CTNNA2: variants seen among roughly 807,000 people sequenced by gnomAD.
CTNNA2 encodes the protein catenin alpha-2.
Under a neutral mutation model 101.0 loss-of-function variants are expected in CTNNA2, and 42 were observed. The observed-to-expected ratio is 0.42, with a 90% CI of 0.32 to 0.54. CTNNA2 has a LOEUF of 0.54. CTNNA2 is among the 20% of genes least tolerant of loss of function. The pLI is 0.14. For missense variants in CTNNA2, 871 were observed against 1,223.1 expected (o/e 0.71, Z 4.29); for synonymous variants, 450 against 456.4 (o/e 0.99, Z 0.18).
At chr2:80,377,399 A>G (rs1210573017) in intron 7 of CTNNA2, among the ~76,000 whole-genome samples, 1 of 152,124 alleles carries the variant, frequency 6.6e-6, no homozygotes, top group Non-Finnish European at 1.5e-5. Flanking sequence ...TGTTGTATGC[A>G]TTTTCTTATT....
chr2:79,497,981 G>A (rs967686946), intron 4 of CTNNA2: 1 of 152,146 alleles, frequency 6.6e-6, no homozygotes, highest in African/African-American at 2.4e-5. Flanking sequence ...TTGTTTTTTA[G>A]TTTCCTTAGA....
intron 17 of CTNNA2, among the ~76,000 whole-genome samples, chr2:80,614,527 A>C (rs1698695827): frequency 6.6e-6 from 1 of 151,374 alleles, no homozygotes; most frequent in Admixed American, 6.6e-5. Flanking sequence ...CATGGATACC[A>C]AGGGATGACT....
chr2:79,223,643 T>C (rs910354480), intron 2 of CTNNA2, among the ~76,000 whole-genome samples: 2 of 152,132 alleles, frequency 1.3e-5, no homozygotes, highest in Non-Finnish European at 2.9e-5. Context: ...CCATCAATTG[T>C]TTCTCTCTTT....
intron 2 of CTNNA2, among the ~76,000 whole-genome samples, chr2:79,302,144 CCTTGA>C (rs930546285): frequency 6.6e-6 from 1 of 151,384 alleles, no homozygotes; most frequent in Non-Finnish European, 1.5e-5. Flanking sequence ...ATAAAAGAAC[CCTTGA>C]CTTGAAGAGG....
chr2:80,010,765 T>C (rs1326948205), intron 7 of CTNNA2, among the ~76,000 whole-genome samples: 2 of 152,174 alleles, frequency 1.3e-5, no homozygotes, highest in Non-Finnish European at 2.9e-5. Context: ...AGTTTTAGAA[T>C]GAAAATTCTC....
chr2:79,401,716 G>A (rs1008477092), intron 4 of CTNNA2, among the ~76,000 whole-genome samples: 1 of 151,216 alleles, frequency 6.6e-6, no homozygotes, highest in Non-Finnish European at 1.5e-5. Flanking sequence ...CCAGATGTAA[G>A]CCATATAAAG....
intron 7 of CTNNA2, among the ~76,000 whole-genome samples, chr2:80,295,637 T>A (rs1466879333): frequency 6.6e-6 from 1 of 152,220 alleles, no homozygotes; most frequent in Non-Finnish European, 1.5e-5. Flanking sequence ...GGAAAGGTTC[T>A]TAGGGAATAC....
At chr2:79,429,205 G>A (rs1678625189) in intron 4 of CTNNA2, among the ~76,000 whole-genome samples, 1 of 151,980 alleles carries the variant, frequency 6.6e-6, no homozygotes, top group Non-Finnish European at 1.5e-5. Flanking sequence ...GTAACAATAT[G>A]GGATCTGTTA....
At chr2:79,311,020 A>G (rs2104399853) in intron 2 of CTNNA2, among the ~76,000 whole-genome samples, 1 of 152,308 alleles carries the variant, frequency 6.6e-6, no homozygotes, top group Middle Eastern at 3.4e-3. Flanking sequence ...AAGAAAGCAC[A>G]GGAATTATAA....
In CTNNA2 at chr2:79,310,893, G is replaced by A. The variant is rs552600313; in HGVS notation, c.-405-1816G>A. Among the ~76,000 whole-genome samples, 39 of 152,250 alleles carry A rather than the reference G, an allele frequency of 2.6e-4. 1 individual carries two copies. In the South Asian group the frequency reaches 7.7e-3, roughly 30 times the overall value. ...CATTTTCTCTGGTTCTTAGACTTGT[G>A]TATTTCTTTAGAGTGGCCATCTGTG... is the stretch of plus-strand genomic sequence containing the variant. On this transcript the variant is annotated intron_variant, in intron 2 of 21. Transcript: ENST00000466387.
chr2:80,160,934 G>A (rs549132261), intron 7 of CTNNA2, among the ~76,000 whole-genome samples: 1 of 151,580 alleles, frequency 6.6e-6, no homozygotes, highest in South Asian at 2.1e-4. Context: ...GGTTGAAAAT[G>A]TTCCCCTCTA....
chr2:79,423,259 AC>A lies in CTNNA2; in HGVS notation c.-135+49248del, dbSNP rs1181653753. Among the ~76,000 whole-genome samples, 4 of 152,270 alleles carry A rather than the reference AC, an allele frequency of 2.6e-5. No homozygotes were observed. The East Asian group carries it at 7.7e-4, about 29-fold the overall frequency. ...TGGTCAATAGCACCAGATGAGTCCAACCTTCCATCCATCCCCACCAAAGTTG... is the reference window on the plus strand; with the variant it reads ...TGGTCAATAGCACCAGATGAGTCCAACTTCCATCCATCCCCACCAAAGTTG... On this transcript the variant is annotated intron_variant, in intron 4 of 21. Coordinates refer to the CTNNA2 transcript ENST00000466387.
intron 7 of CTNNA2, among the ~76,000 whole-genome samples, chr2:80,152,637 G>C (rs927353686): frequency 1.3e-5 from 2 of 151,610 alleles, no homozygotes; most frequent in Admixed American, 6.6e-5. Flanking sequence ...TACCAAAAAG[G>C]GACAAGAGAA....
chr2:79,772,131 C>A (rs1673634614), intron 3 of CTNNA2, among the ~76,000 whole-genome samples: 1 of 151,916 alleles, frequency 6.6e-6, no homozygotes, highest in Non-Finnish European at 1.5e-5. Flanking sequence ...TTTGTCCATC[C>A]TCTCTCCTTC....
intron 9 of CTNNA2, among the ~76,000 whole-genome samples, chr2:80,458,973 C>T (rs2149468807): frequency 6.6e-6 from 1 of 152,172 alleles, no homozygotes; most frequent in Middle Eastern, 3.4e-3. Context: ...ATATTTTATA[C>T]CATATTTTTA....
At chr2:79,833,875 G>T (rs1179467529) in intron 3 of CTNNA2, among the ~76,000 whole-genome samples, 1 of 152,048 alleles carries the variant, frequency 6.6e-6, no homozygotes, top group Non-Finnish European at 1.5e-5. Flanking sequence ...ATATTATATT[G>T]AATGTATCGT....
At chr2:80,041,676 T>C (rs1411867417) in intron 7 of CTNNA2, among the ~76,000 whole-genome samples, 2 of 152,220 alleles carry the variant, frequency 1.3e-5, no homozygotes, top group Non-Finnish European at 2.9e-5. Context: ...ATAGTCATAG[T>C]ATGTATTTAT....
At chr2:80,596,760 G>T (rs1414643455) in intron 15 of CTNNA2, among the ~76,000 whole-genome samples, 1 of 150,754 alleles carries the variant, frequency 6.6e-6, no homozygotes, top group African/African-American at 2.5e-5. Context: ...TAGGAGTGAT[G>T]AGAAAGGGCA....
intron 2 of CTNNA2, among the ~76,000 whole-genome samples, chr2:79,219,960 T>C (rs1170848161): frequency 6.6e-6 from 1 of 152,250 alleles, no homozygotes; most frequent in African/African-American, 2.4e-5. Context: ...GTGCTACAGA[T>C]ACTCGTATCC....
Sources: allele counts gnomAD v4.1 joint callset (sites outside exome capture counted in the v4.1 genomes callset), GRCh38; gene constraint gnomAD v4.1.1; transcripts MANE v1.5; gene names NCBI Gene and HGNC (gene_info 2026-07-23, HGNC 2026-07-21).